TMEM229B: variants seen among roughly 807,000 people sequenced by gnomAD.
TMEM229B encodes the protein transmembrane protein 229B, also known as chromosome 14 open reading frame 83.
In TMEM229B, 6 loss-of-function variants were observed where a neutral mutation model predicts 13.7. That is an observed-to-expected ratio of 0.44 (90% CI 0.24 to 0.86). TMEM229B has a LOEUF of 0.86. Among genes scored for constraint, TMEM229B ranks in the 40% least tolerant of loss-of-function variants. TMEM229B has a pLI of 0.23. For missense variants in TMEM229B, 170 were observed against 236.0 expected, an observed-to-expected ratio of 0.72 and a Z score of 1.83; for synonymous variants, 107 against 102.1, an observed-to-expected ratio of 1.05 and a Z score of -0.29.
At chr14:67,506,546 G>C (rs1458237429) in intron 1 of TMEM229B, among the ~76,000 whole-genome samples, 2 of 152,182 alleles carry the variant, frequency 1.3e-5, no homozygotes, top group African/African-American at 2.4e-5. Context: ...ATGGGGATAG[G>C]GGAATAAGAG....
rs1370928431 is a variant in TMEM229B at position 67,481,753 on chromosome 14, C to T, written c.-19+5247G>A. Among the ~76,000 whole-genome samples, 4 of 152,218 alleles carry T rather than the reference C, an allele frequency of 2.6e-5. No homozygotes were observed. The South Asian group carries it at 8.3e-4, about 32-fold the overall frequency. On this transcript the variant is annotated intron_variant, in intron 2 of 2. Transcript: ENST00000554480. ...TTCCCTGCCCCGGCCTCCACCCACCCGACTCCCTATATCCTTAGGCTCCTT... is the reference window on the plus strand; with the variant it reads ...TTCCCTGCCCCGGCCTCCACCCACCTGACTCCCTATATCCTTAGGCTCCTT...
chr14:67,501,148 C>T (rs1249977003), intron 1 of TMEM229B, among the ~76,000 whole-genome samples: 1 of 151,700 alleles, frequency 6.6e-6, no homozygotes, highest in Non-Finnish European at 1.5e-5. Context: ...GGCAACAGGT[C>T]CCAACTAGCT....
upstream of TMEM229B, among the ~76,000 whole-genome samples, chr14:67,489,564 C>T (rs978613178): frequency 6.6e-5 from 10 of 152,338 alleles, no homozygotes; most frequent in South Asian, 2.1e-3. Flanking sequence ...ACCATTCTGA[C>T]TCCTTCTTCC....
chr14:67,497,830 G>T (rs1440631849), intron 1 of TMEM229B, among the ~76,000 whole-genome samples: 2 of 152,020 alleles, frequency 1.3e-5, no homozygotes, highest in East Asian at 3.9e-4. Context: ...TATCTTGTGG[G>T]TGTTTGTGTA....
Position 67,475,070 on chromosome 14 carries a change from CA to C in TMEM229B, c.-18-1130del, listed in dbSNP as rs112324732. On this transcript the variant is annotated intron_variant, in intron 2 of 2. Coordinates refer to ENST00000554480, the MANE Select transcript of TMEM229B (RefSeq NM_001348543.2). The stretch of plus-strand genomic sequence containing the variant: ...AGCTGGGACTACAGGCACACACCAT[CA>C]TGCCCGGCTAATTTTTGAATTTTAG... Among the ~76,000 whole-genome samples the C allele has an allele frequency of 7.4e-3, 1,127 of 152,156 alleles. 14 individuals carry two copies. The highest frequency in any genetic ancestry group is 0.026 in the African/African-American group (1,081 of 41,498).
chr14:67,526,469 A>T (rs1648649076), intron 1 of TMEM229B, among the ~76,000 whole-genome samples: 1 of 152,230 alleles, frequency 6.6e-6, no homozygotes, highest in African/African-American at 2.4e-5. Context: ...TTGGTGCCAG[A>T]TGCATGGAAC....
At chr14:67,497,481 C>G (rs1476690870) in intron 1 of TMEM229B, among the ~76,000 whole-genome samples, 1 of 152,148 alleles carries the variant, frequency 6.6e-6, no homozygotes, top group East Asian at 1.9e-4. Flanking sequence ...GCCACAGATA[C>G]TTACAAGTGG....
intron 1 of TMEM229B, among the ~76,000 whole-genome samples, chr14:67,507,925 G>T (rs11626510): frequency 1.3e-5 from 2 of 152,122 alleles, no homozygotes; most frequent in Admixed American, 1.3e-4. Context: ...GTTCACCTGA[G>T]GTTGGGAGTT....
At chr14:67,485,789 G>C (rs961805771) in intron 2 of TMEM229B, among the ~76,000 whole-genome samples, 2 of 152,266 alleles carry the variant, frequency 1.3e-5, no homozygotes, top group South Asian at 2.1e-4. Flanking sequence ...GGGCTGTGCA[G>C]TTAGGAGCCT....
intron 2 of TMEM229B, among the ~76,000 whole-genome samples, chr14:67,477,338 C>T (rs1342610505): frequency 1.3e-5 from 2 of 152,180 alleles, no homozygotes; most frequent in African/African-American, 2.4e-5. Context: ...AGGTCCTATT[C>T]ATTCTGTTAG....
chr14:67,479,703 G>A (rs2031467180), intron 2 of TMEM229B, among the ~76,000 whole-genome samples: 1 of 152,186 alleles, frequency 6.6e-6, no homozygotes, highest in Non-Finnish European at 1.5e-5. Flanking sequence ...AGGTGACAGA[G>A]TGAGACTCCG....
At chr14:67,496,868 G>A (rs1172099266) in intron 1 of TMEM229B, among the ~76,000 whole-genome samples, 1 of 151,502 alleles carries the variant, frequency 6.6e-6, no homozygotes, top group Non-Finnish European at 1.5e-5. Context: ...CGCAATCTCA[G>A]CTCACTGCAA....
intron 1 of TMEM229B, among the ~76,000 whole-genome samples, chr14:67,528,292 A>G (rs1365239124): frequency 6.6e-6 from 1 of 152,164 alleles, no homozygotes; most frequent in African/African-American, 2.4e-5. Flanking sequence ...ATGAAAACCC[A>G]TTGTCTACAG....
intron 1 of TMEM229B, among the ~76,000 whole-genome samples, chr14:67,523,607 G>A (rs12589622): frequency 0.04 from 6,127 of 152,306 alleles, 162 homozygotes; most frequent in Non-Finnish European, 0.061. Flanking sequence ...GCGATTATTT[G>A]TGTTCTACAA....
chr14:67,487,445 T>A (rs1025331586), intron 1 of TMEM229B, among the ~76,000 whole-genome samples: 1 of 152,202 alleles, frequency 6.6e-6, no homozygotes, highest in Admixed American at 6.5e-5. Flanking sequence ...CACTTGTGAA[T>A]CTGAGAGGGG....
At chr14:67,481,101 G>A (rs2031557324) in intron 2 of TMEM229B, among the ~76,000 whole-genome samples, 2 of 152,016 alleles carry the variant, frequency 1.3e-5, no homozygotes, top group South Asian at 2.1e-4. Flanking sequence ...GACCAGCCTG[G>A]GCAACATAGC....
rs2030898691 is a variant in TMEM229B, at chr14:67,473,340, G to A, written c.*80C>T. The A allele has an allele frequency of 6.4e-7, 1 of 1,551,118 alleles. No homozygotes were observed. ...GGCCGGAGCAGGGCTTTTGCTGCAT[G>A]GATGGGGCAACCTCACCAGCTTGGT... On this transcript the variant is annotated 3_prime_UTR_variant, in exon 3 of 3. Coordinates refer to ENST00000554480, the MANE Select transcript of TMEM229B (RefSeq NM_001348543.2). The surrounding 1 kb of genome is among the most constrained non-coding windows in gnomAD (Gnocchi z 6.5).
At chr14:67,480,334 C>G (rs2031507329) in intron 2 of TMEM229B, among the ~76,000 whole-genome samples, 1 of 152,138 alleles carries the variant, frequency 6.6e-6, no homozygotes, top group Non-Finnish European at 1.5e-5. Context: ...AATAATAACC[C>G]CACATATGGC....
In TMEM229B at chr14:67,473,342, A is replaced by G; in HGVS notation, c.*78T>C. Reference sequence around the variant, plus strand: ...CCGGAGCAGGGCTTTTGCTGCATGGATGGGGCAACCTCACCAGCTTGGTCT... The same window carrying G: ...CCGGAGCAGGGCTTTTGCTGCATGGGTGGGGCAACCTCACCAGCTTGGTCT... On this transcript the variant is annotated 3_prime_UTR_variant, in exon 3 of 3. Coordinates refer to ENST00000554480, the MANE Select transcript of TMEM229B (RefSeq NM_001348543.2). This position sits in a 1 kb window ranked among gnomAD's most constrained non-coding sequence, Gnocchi z 6.5. The G allele has an allele frequency of 6.4e-7, 1 of 1,555,152 alleles. No homozygotes were observed. Among genetic ancestry groups the G allele is most frequent in the Admixed American group, 1.8e-5 (1 of 55,180 alleles).
Sources: gnomAD v4.1 joint callset for allele counts (sites outside exome capture counted in the v4.1 genomes callset) on GRCh38, gnomAD v4.1.1 for gene constraint, Gnocchi (gnomAD v3.1) non-coding constraint, MANE v1.5 for transcripts, NCBI Gene and HGNC (gene_info 2026-07-23, HGNC 2026-07-21) for gene names.